Variants in SLC24A2 observed in about 807,000 individuals in gnomAD.
SLC24A2 encodes the protein sodium/potassium/calcium exchanger 2.
SLC24A2 carries 36 observed loss-of-function variants against 62.0 expected under a neutral mutation model. That is an observed-to-expected ratio of 0.58 (90% CI 0.44 to 0.77). SLC24A2 has a LOEUF of 0.77. SLC24A2 is among the 30% of genes least tolerant of loss of function. The pLI, the probability that SLC24A2 is intolerant of heterozygous loss-of-function variation, is 0.00. For missense variants in SLC24A2, 846 were observed against 817.9 expected, an observed-to-expected ratio of 1.03 and a Z score of -0.42; for synonymous variants, 358 against 294.0, an observed-to-expected ratio of 1.22 and a Z score of -2.23.
the SLC24A2 span, among the ~76,000 whole-genome samples, chr9:20,064,456 C>T: frequency 1.1e-4 from 16 of 151,692 alleles, no homozygotes; most frequent in Admixed American, 3.3e-4. Flanking sequence ...TTATAATTTA[C>T]GGTAAATAAA....
chr9:20,036,382 A>T, the SLC24A2 span, among the ~76,000 whole-genome samples: 4 of 151,994 alleles, frequency 2.6e-5, no homozygotes, highest in African/African-American at 9.7e-5. Flanking sequence ...ACAGTACTCA[A>T]TTATTAGCTA....
the SLC24A2 span, among the ~76,000 whole-genome samples, chr9:20,141,270 T>C: frequency 6.6e-6 from 1 of 152,084 alleles, no homozygotes; most frequent in African/African-American, 2.4e-5. Flanking sequence ...ATCTCTTCCA[T>C]GTCTCAGCAG....
At chr9:20,199,736 T>C in the SLC24A2 span, among the ~76,000 whole-genome samples, 2 of 151,506 alleles carry the variant, frequency 1.3e-5, no homozygotes, top group African/African-American at 2.4e-5. Context: ...TTTTTTTTTT[T>C]CTGACAGAAT....
rs184374891 is a variant in SLC24A2, at chr9:19,775,224, C to T, written c.930+10713G>A. Among the ~76,000 whole-genome samples the T allele has an allele frequency of 4.6e-5, 7 of 152,310 alleles. No homozygotes were observed. In the East Asian group the frequency reaches 1.3e-3, roughly 29 times the overall value. On this transcript the variant is annotated intron_variant, in intron 2 of 10. Coordinates refer to ENST00000341998, the MANE Select transcript of SLC24A2 (RefSeq NM_020344.4). The stretch of plus-strand genomic sequence containing the variant: ...CATCATTTGGTTTACAAATCCAATC[C>T]TTCATAAAAAGGAAACCCACCTAAT...
chr9:20,231,796 C>A, the SLC24A2 span, among the ~76,000 whole-genome samples: 5 of 146,698 alleles, frequency 3.4e-5, no homozygotes, highest in Non-Finnish European at 5.9e-5. Context: ...TGAGAGAGGG[C>A]ATCCCTGTCT....
At chr9:20,118,019 G>A in the SLC24A2 span, among the ~76,000 whole-genome samples, 19 of 152,006 alleles carry the variant, frequency 1.2e-4, no homozygotes, top group African/African-American at 4.6e-4. Flanking sequence ...GCTTAACTAT[G>A]AGCACATCTT....
chr9:20,285,450 A>G, the SLC24A2 span, among the ~76,000 whole-genome samples: 1 of 152,336 alleles, frequency 6.6e-6, no homozygotes, highest in African/African-American at 2.4e-5. Flanking sequence ...CTGATGTTTC[A>G]GTATGAGTCT....
chr9:20,064,807 G>A, the SLC24A2 span, among the ~76,000 whole-genome samples: 1 of 152,162 alleles, frequency 6.6e-6, no homozygotes, highest in Non-Finnish European at 1.5e-5. Flanking sequence ...CATACAATAT[G>A]CATATGAATC....
At chr9:19,670,633 T>C (rs1045077605) in intron 2 of SLC24A2, among the ~76,000 whole-genome samples, 2 of 152,194 alleles carry the variant, frequency 1.3e-5, no homozygotes, top group African/African-American at 4.8e-5. Context: ...CAAGAGCATA[T>C]AGCAAATAAA....
the SLC24A2 span, among the ~76,000 whole-genome samples, chr9:20,256,921 T>TACACACAA: frequency 8.3e-6 from 1 of 119,884 alleles, no homozygotes; most frequent in African/African-American, 2.8e-5. Context: ...CTCCAGCATG[T>TACACACAA]ACACACACAC....
At chr9:19,991,522 A>G in the SLC24A2 span, among the ~76,000 whole-genome samples, 3 of 152,156 alleles carry the variant, frequency 2.0e-5, no homozygotes, top group African/African-American at 7.2e-5. Flanking sequence ...GCATCCTTCA[A>G]TCCAATCAAG....
the SLC24A2 span, among the ~76,000 whole-genome samples, chr9:20,296,440 T>C: frequency 6.6e-6 from 1 of 152,196 alleles, no homozygotes; most frequent in Non-Finnish European, 1.5e-5. Context: ...ACATTTTTTA[T>C]AAAAAATGGA....
At chr9:20,270,291 G>A in the SLC24A2 span, among the ~76,000 whole-genome samples, 1 of 152,056 alleles carries the variant, frequency 6.6e-6, no homozygotes, top group South Asian at 2.1e-4. Context: ...AAAAACCATA[G>A]CACTGCCCTT....
chr9:19,915,257 C>A, the SLC24A2 span, among the ~76,000 whole-genome samples: 1 of 152,118 alleles, frequency 6.6e-6, no homozygotes, highest in Non-Finnish European at 1.5e-5. Flanking sequence ...TAGCATGTAT[C>A]AGCGCTTCGT....
chr9:19,820,564 T>TA, the SLC24A2 span, among the ~76,000 whole-genome samples: 2 of 151,584 alleles, frequency 1.3e-5, no homozygotes, highest in Admixed American at 1.3e-4. Flanking sequence ...TAAATAAAAA[T>TA]AAAGAGTTAG....
chr9:20,227,915 C>T, the SLC24A2 span, among the ~76,000 whole-genome samples: 1 of 152,122 alleles, frequency 6.6e-6, no homozygotes, highest in African/African-American at 2.4e-5. Flanking sequence ...CTGCTCTATC[C>T]ACAATAAAAA....
chr9:19,716,455 T>TG, intron 2 of SLC24A2, among the ~76,000 whole-genome samples: 1 of 152,252 alleles, frequency 6.6e-6, no homozygotes. Context: ...TCCCATTCAC[T>TG]GGTTAACTAC....
At chr9:19,857,428 A>C in the SLC24A2 span, among the ~76,000 whole-genome samples, 5 of 152,300 alleles carry the variant, frequency 3.3e-5, 1 homozygote, top group African/African-American at 9.6e-5. Flanking sequence ...TGCAGATTAG[A>C]TATGAACATC....
the SLC24A2 span, among the ~76,000 whole-genome samples, chr9:19,946,369 A>C: frequency 6.6e-6 from 1 of 152,206 alleles, no homozygotes; most frequent in Non-Finnish European, 1.5e-5. Context: ...TCAGTGACTT[A>C]ATGGGCCTTG....
Sources: gnomAD v4.1 joint callset for allele counts (sites outside exome capture counted in the v4.1 genomes callset) on GRCh38, gnomAD v4.1.1 for gene constraint, MANE v1.5 for transcripts, NCBI Gene and HGNC (gene_info 2026-07-23, HGNC 2026-07-21) for gene names.